The following NTRK1 variants were observed in gnomAD, a reference collection of about 807,000 sequenced individuals.
The protein encoded by NTRK1 is high affinity nerve growth factor receptor.
A neutral mutation model predicts 86.8 loss-of-function variants in NTRK1; 62 were observed. That is an observed-to-expected ratio of 0.71 (90% CI 0.58 to 0.88). The LOEUF (loss-of-function observed/expected upper bound fraction) is 0.88. Ranked by LOEUF, NTRK1 falls within the 40% of genes least tolerant of loss-of-function variation. The pLI is 0.00. For synonymous variants in NTRK1, 469 were observed against 456.6 expected, an observed-to-expected ratio of 1.03 and a Z score of -0.35; for missense variants, 967 against 1,078.4, an observed-to-expected ratio of 0.90 and a Z score of 1.45.
At chr1:156,820,919 T>G (rs1053269299) in intron 1 of NTRK1, among the ~76,000 whole-genome samples, 2 of 152,240 alleles carry the variant, frequency 1.3e-5, no homozygotes, top group African/African-American at 4.8e-5. Context: ...TCCATGAGGA[T>G]GGACTGTGTT....
At chr1:156,864,656 G>C (rs960326990) in intron 2 of NTRK1, 72 bp from the exon 3 acceptor site, 10 of 1,528,422 alleles carry the variant, frequency 6.5e-6, no homozygotes, top group African/African-American at 1.4e-5. Flanking sequence ...TGGGAGGCTG[G>C]GATGGGCAGG....
In NTRK1 at chr1:156,879,350, C is replaced by T. The variant is rs772334548; in HGVS notation, c.2034C>T (p.Thr678=). The T allele has an allele frequency of 7.5e-6, 12 of 1,604,340 alleles. No homozygotes were observed. Among genetic ancestry groups the T allele is most frequent in the Admixed American group, 5.0e-5 (3 of 59,974 alleles). ...GCATGAGCAGGGATATCTACAGCAC[C>T]GACTATTACCGTGTAAGGGTCCTTT... is the stretch of plus-strand genomic sequence containing the variant. ...DFGMSRDIYS[T]DYYRVGGRTM... The change falls in exon 15 of 17, where the codon ACC becomes ACT. Residue 678 remains threonine (T), a synonymous_variant. Coordinates refer to ENST00000524377, the MANE Select transcript of NTRK1 (RefSeq NM_002529.4).
At chr1:156,845,952 C>T (rs774581385) in intron 2 of NTRK1, 3 of 1,611,420 alleles carry the variant, frequency 1.9e-6, no homozygotes, top group African/African-American at 1.3e-5. Flanking sequence ...CCCTGCGCAC[C>T]GCGGTGGCAG....
chr1:156,867,065 G>A (rs1296895188), intron 4 of NTRK1, 87 bp downstream of exon 4: 4 of 1,352,598 alleles, frequency 3.0e-6, no homozygotes, highest in East Asian at 2.3e-5. Context: ...TTGGGTCACT[G>A]TGTCTGTGTG....
intron 2 of NTRK1, chr1:156,852,059 G>C (rs540195536): frequency 1.9e-6 from 3 of 1,613,588 alleles, no homozygotes; most frequent in Non-Finnish European, 2.5e-6. Context: ...CCACAGGCAG[G>C]CACCCTGGAA....
At chr1:156,879,734 C>G (rs538942004) in intron 15 of NTRK1, among the ~76,000 whole-genome samples, 2 of 152,236 alleles carry the variant, frequency 1.3e-5, no homozygotes, top group Admixed American at 1.3e-4. Context: ...TTCAGCCTCC[C>G]GAGTAGCTGG....
chr1:156,869,669 G>A (rs553672400), intron 6 of NTRK1, among the ~76,000 whole-genome samples: 247 of 152,316 alleles, frequency 1.6e-3, no homozygotes, highest in Non-Finnish European at 2.8e-3. Context: ...CTGATGTCCT[G>A]CCTGCCCCTG....
upstream of NTRK1, among the ~76,000 whole-genome samples, chr1:156,858,237 C>T (rs1558094034): frequency 2.0e-5 from 3 of 152,244 alleles, no homozygotes; most frequent in Admixed American, 1.3e-4. Context: ...AACACTCTCA[C>T]GGCCTCATTT....
chr1:156,854,430 G>A lies in NTRK1; in HGVS notation c.51-9924G>A, dbSNP rs1246679303. ...GAGTGAGGAGCCGGGCTCTGCTCTG[G>A]GTGTGGGGTGGCCTCCTTCCTGGGC... On this transcript the variant is annotated intron_variant, in intron 2 of 16. Coordinates refer to the NTRK1 transcript ENST00000392302. This position sits in a 1 kb window ranked among gnomAD's most constrained non-coding sequence, Gnocchi z 4.2. 16 of 1,020,618 alleles carry A rather than the reference G, an allele frequency of 1.6e-5. No individual in the cohort carries two copies. The highest frequency in any genetic ancestry group is 3.3e-5 in the South Asian group (2 of 60,704). 63.2% of individuals were successfully genotyped at this position (1,020,618 alleles called of 1,614,324 possible).
At chr1:156,816,075 G>A (rs1384712299) in intron 1 of NTRK1, 9 of 1,613,950 alleles carry the variant, frequency 5.6e-6, no homozygotes, top group Middle Eastern at 1.6e-4. Context: ...TGAAGGTTGG[G>A]ATGGGGGCTT....
chr1:156,874,246 C>A, intron 8 of NTRK1, 137 bp from the exon 9 acceptor site: 1 of 1,349,970 alleles, frequency 7.4e-7, no homozygotes, highest in Non-Finnish European at 1.1e-6. Context: ...CCTTGAGGCC[C>A]AGCAGCCCAC....
chr1:156,827,772 C>T (rs1654361782), intron 1 of NTRK1, among the ~76,000 whole-genome samples: 1 of 152,120 alleles, frequency 6.6e-6, no homozygotes, highest in South Asian at 2.1e-4. Flanking sequence ...AGACTATGAA[C>T]CTGAAATGGT....
intron 1 of NTRK1, chr1:156,840,575 T>G: frequency 2.3e-6 from 1 of 443,776 alleles, no homozygotes; most frequent in South Asian, 2.6e-5. Context: ...GGGCCCCCTC[T>G]TCCTAGTCTG....
intron 7 of NTRK1, among the ~76,000 whole-genome samples, chr1:156,873,016 A>AGTGTGT (rs1186731462): frequency 1.2e-4 from 9 of 74,736 alleles, no homozygotes; most frequent in African/African-American, 4.4e-4. Flanking sequence ...TTTTTCAAAA[A>AGTGTGT]GAGTGTGTGT....
chr1:156,829,721 C>T (rs1461877523), intron 1 of NTRK1, among the ~76,000 whole-genome samples: 2 of 152,210 alleles, frequency 1.3e-5, no homozygotes, highest in South Asian at 2.1e-4. Flanking sequence ...GGCACGATCT[C>T]GGCTCACGCA....
At chr1:156,875,129 T>C (rs1481594703) in intron 11 of NTRK1, 121 bp downstream of exon 11, 1 of 778,998 alleles carries the variant, frequency 1.3e-6, no homozygotes, top group South Asian at 1.4e-5. Context: ...CGTGTGAGTG[T>C]GTTTGGGGTA....
At chr1:156,858,038 C>A (rs1558093939), upstream of NTRK1, among the ~76,000 whole-genome samples, 1 of 152,144 alleles carries the variant, frequency 6.6e-6, no homozygotes, top group African/African-American at 2.4e-5. Flanking sequence ...AGGGATTGGG[C>A]CCTAAGAGGG....
chr1:156,824,636 T>C (rs895127693), intron 1 of NTRK1, among the ~76,000 whole-genome samples: 5 of 152,214 alleles, frequency 3.3e-5, no homozygotes, highest in Non-Finnish European at 7.3e-5. Context: ...ACTTAGTCTC[T>C]GCTAGGGCTC....
At chr1:156,874,106 C>A (rs2102907333) in intron 8 of NTRK1, 147 bp downstream of exon 8, 3 of 906,134 alleles carry the variant, frequency 3.3e-6, no homozygotes, top group South Asian at 1.6e-5. Flanking sequence ...GCTGTTCTGG[C>A]CTCCTTACCC....
Sources: allele counts gnomAD v4.1 joint callset (sites outside exome capture counted in the v4.1 genomes callset), GRCh38; gene constraint gnomAD v4.1.1; non-coding constraint Gnocchi (gnomAD v3.1); transcripts MANE v1.5; gene names NCBI Gene and HGNC (gene_info 2026-07-23, HGNC 2026-07-21).